TENT4B: variants seen among roughly 807,000 people sequenced by gnomAD.
TENT4B encodes the protein PAP associated domain containing 5.
Under a neutral mutation model 75.0 loss-of-function variants are expected in TENT4B, and 10 were observed. That is an observed-to-expected ratio of 0.13 (90% confidence interval 0.08 to 0.23). TENT4B has a LOEUF of 0.23. Among genes scored for constraint, TENT4B ranks in the 10% least tolerant of loss-of-function variants. The probability of loss-of-function intolerance (pLI) is 1.00; values close to 1 mark genes in which losing one functional copy is unlikely to be tolerated. For synonymous variants in TENT4B, 350 were observed against 357.7 expected, an observed-to-expected ratio of 0.98 and a Z score of 0.24; for missense variants, 579 against 893.8, an observed-to-expected ratio of 0.65 and a Z score of 4.49.
At chr16:50,213,246 G>C (rs566028830) in intron 2 of TENT4B, among the ~76,000 whole-genome samples, 19 of 152,254 alleles carry the variant, frequency 1.2e-4, no homozygotes, top group African/African-American at 4.6e-4. Context: ...TTTAGTAGAG[G>C]TGGGATTTCA....
At chr16:50,187,700 C>A (rs1169900385) in intron 1 of TENT4B, among the ~76,000 whole-genome samples, 1 of 152,014 alleles carries the variant, frequency 6.6e-6, no homozygotes, top group East Asian at 1.9e-4. Context: ...GGTACCCTAG[C>A]TGAAGTTATT....
At chr16:50,177,625 TC>T (rs1324457962) in intron 1 of TENT4B, among the ~76,000 whole-genome samples, 1 of 152,160 alleles carries the variant, frequency 6.6e-6, no homozygotes, top group African/African-American at 2.4e-5. Flanking sequence ...CCCTTTTTTT[TC>T]TTTGTTAATC....
intron 1 of TENT4B, among the ~76,000 whole-genome samples, chr16:50,178,221 G>A (rs1034474456): frequency 1.4e-4 from 21 of 149,534 alleles, no homozygotes; most frequent in African/African-American, 3.0e-4. Flanking sequence ...TTTGGGAGGC[G>A]TAAGTGGGAG....
At chr16:50,199,371 T>A (rs1479271837) in intron 1 of TENT4B, among the ~76,000 whole-genome samples, 1 of 152,054 alleles carries the variant, frequency 6.6e-6, no homozygotes, top group Non-Finnish European at 1.5e-5. Flanking sequence ...CCAAAGAAAG[T>A]GTGTGGGGTG....
intron 1 of TENT4B, among the ~76,000 whole-genome samples, chr16:50,187,744 G>T (rs2038560287): frequency 6.6e-6 from 1 of 151,870 alleles, no homozygotes; most frequent in Non-Finnish European, 1.5e-5. Flanking sequence ...TGCACATAAG[G>T]CCTGGCACGG....
intron 1 of TENT4B, among the ~76,000 whole-genome samples, chr16:50,194,479 C>T (rs994671657): frequency 5.9e-5 from 9 of 151,848 alleles, no homozygotes; most frequent in South Asian, 4.1e-4. Context: ...CCTCCCAAAG[C>T]GCTGTGATTA....
chr16:50,164,414 A>G (rs1027206619), intron 1 of TENT4B, among the ~76,000 whole-genome samples: 4 of 151,674 alleles, frequency 2.6e-5, no homozygotes, highest in South Asian at 2.1e-4. Flanking sequence ...AGTTCAAGCA[A>G]TTTTCTGCCT....
intron 7 of TENT4B, 139 bp from the exon 8 acceptor site, chr16:50,224,518 G>C: frequency 1.0e-6 from 1 of 956,502 alleles, no homozygotes; most frequent in Non-Finnish European, 1.5e-6. Context: ...GGGAGCTTTG[G>C]GGACAGCTCA....
At position 50,215,434 on chromosome 16, in the gene TENT4B, A is replaced by G. The variant is rs369011528; in HGVS notation, c.810-641A>G. On this transcript the variant is annotated intron_variant, in intron 3 of 11. Coordinates refer to ENST00000561678, the MANE Select transcript of TENT4B (RefSeq NM_001365324.3). ...CTTATTTAGGTTGTCAGCATCAGTA[A>G]AACATGAAAAATCACCTTTCTTAAA... is the stretch of plus-strand genomic sequence containing the variant. 6.7e-4 allele frequency among the ~76,000 whole-genome samples: 102 copies of G among 152,326 alleles called. No individual in the cohort carries two copies. In the South Asian group the frequency reaches 0.021, roughly 31 times the overall value.
intron 1 of TENT4B, among the ~76,000 whole-genome samples, chr16:50,163,262 A>C (rs2038034402): frequency 6.6e-6 from 1 of 152,126 alleles, no homozygotes; most frequent in African/African-American, 2.4e-5. Context: ...ATAAAGTACT[A>C]GTGATAAGTT....
intron 1 of TENT4B, among the ~76,000 whole-genome samples, chr16:50,156,407 C>T (rs1032650815): frequency 1.3e-5 from 2 of 150,226 alleles, no homozygotes; most frequent in Admixed American, 1.3e-4. Flanking sequence ...TGCAGTGGCT[C>T]GATCTCAGCT....
intron 1 of TENT4B, among the ~76,000 whole-genome samples, chr16:50,178,759 T>C (rs544620776): frequency 6.6e-6 from 1 of 152,278 alleles, no homozygotes; most frequent in South Asian, 2.1e-4. Context: ...ATAAGAGTCA[T>C]AGAAACAGTA....
chr16:50,230,694 C>T lies in TENT4B; in HGVS notation c.*1366C>T. The T allele has an allele frequency of 1.0e-6, 1 of 985,512 alleles. No individual in the cohort carries two copies. The highest frequency in any genetic ancestry group is 1.2e-6 in the Non-Finnish European group (1 of 829,708). The allele number at this position is 985,512 out of a possible 1,614,324, so 61.0% of individuals were successfully genotyped here. On this transcript the variant is annotated 3_prime_UTR_variant, in exon 12 of 12. Coordinates refer to ENST00000561678, the MANE Select transcript of TENT4B (RefSeq NM_001365324.3). ...AACTTTTTTAAACATTGGCTTGTTT[C>T]AATCATACTGTAAATTTTGGTTGTA...
chr16:50,204,778 C>A (rs564746719), intron 1 of TENT4B, among the ~76,000 whole-genome samples: 2 of 152,190 alleles, frequency 1.3e-5, no homozygotes, highest in Non-Finnish European at 2.9e-5. Context: ...TGCCTTGCAA[C>A]GCGTTTGAGT....
chr16:50,155,272 G>GGGGGGGT (rs377547594), intron 1 of TENT4B, among the ~76,000 whole-genome samples: 1 of 135,372 alleles, frequency 7.4e-6, no homozygotes, highest in African/African-American at 2.8e-5. Context: ...GGGTCTCGTG[G>GGGGGGGT]GTGTGTGTGT....
At chr16:50,189,323 G>C (rs1567493082) in intron 1 of TENT4B, among the ~76,000 whole-genome samples, 2 of 152,142 alleles carry the variant, frequency 1.3e-5, no homozygotes, top group Non-Finnish European at 2.9e-5. Context: ...TATTTAAAGT[G>C]TGAGACTGTG....
At chr16:50,224,012 C>T (rs1307920943) in intron 7 of TENT4B, among the ~76,000 whole-genome samples, 1 of 152,020 alleles carries the variant, frequency 6.6e-6, no homozygotes, top group Non-Finnish European at 1.5e-5. Context: ...ATAGATTCTG[C>T]GTTATTGGAC....
In TENT4B at chr16:50,154,012, T is replaced by C; in HGVS notation, c.391T>C (p.Ser131Pro). Residue 131 changes from serine to proline, a missense_variant, in exon 1 of 12, where the codon TCG (serine) becomes CCG (proline). Ser to Pro is a moderately conservative substitution (Grantham distance 74). This residue lies in a region of TENT4B where 253 missense variants were observed against 270.1 expected (regional missense o/e 0.94). Transcript: ENST00000561678. ...CCGCCGGGCGGGCTCCTCGGCGTCC[T>C]CGCCTCCCTCGGCGTCCTCGTCCCC... ...WARRAGSSAS[S>P]PPSASSSPHP... 4 of 1,533,448 alleles carry C rather than the reference T, an allele frequency of 2.6e-6. No individual in the cohort carries two copies. Among genetic ancestry groups the C allele is most frequent in the Non-Finnish European group, 3.5e-6 (4 of 1,145,796 alleles). The allele number at this position is 1,533,448 out of a possible 1,614,324, so 95.0% of individuals were successfully genotyped here. A position where few individuals can be genotyped will look rare whatever the true frequency, so the allele number is the denominator to read the frequency against.
chr16:50,211,764 G>C (rs922198580), intron 2 of TENT4B, among the ~76,000 whole-genome samples: 2 of 152,094 alleles, frequency 1.3e-5, no homozygotes, highest in African/African-American at 4.8e-5. Context: ...GTAGTGGTCT[G>C]TTATTGGATA....
Sources: allele counts gnomAD v4.1 joint callset (sites outside exome capture counted in the v4.1 genomes callset), GRCh38; gene constraint gnomAD v4.1.1; regional missense constraint gnomAD v4.1.1; transcripts MANE v1.5; gene names NCBI Gene and HGNC (gene_info 2026-07-23, HGNC 2026-07-21).